The following MID1 variants were observed in gnomAD, a reference collection of about 807,000 sequenced individuals.
MID1 encodes the protein E3 ubiquitin-protein ligase Midline-1.
A neutral mutation model predicts 40.4 loss-of-function variants in MID1; 7 were observed. The observed-to-expected ratio is 0.17, with a 90% CI of 0.10 to 0.33. MID1 has a LOEUF of 0.33. Ranked by LOEUF, MID1 falls within the 10% of genes least tolerant of loss-of-function variation. The pLI is 1.00. For synonymous variants in MID1, 229 were observed against 221.2 expected, an observed-to-expected ratio of 1.04 and a Z score of -0.31; for missense variants, 367 against 558.5, an observed-to-expected ratio of 0.66 and a Z score of 3.46.
chrX:10,490,433 T>A (rs1259838690), intron 4 of MID1, among the ~76,000 whole-genome samples: 4 of 112,117 alleles, frequency 3.6e-5, no homozygotes, highest in Admixed American at 9.4e-5. Flanking sequence ...GTTGTTTTTT[T>A]AAAATTGTTT....
intron 1 of MID1, among the ~76,000 whole-genome samples, chrX:10,822,254 T>C (rs763340716): frequency 2.9e-4 from 32 of 111,359 alleles, no homozygotes; most frequent in African/African-American, 9.5e-4. Flanking sequence ...GATTTTCTAT[T>C]TAATAAATGG....
intron 1 of MID1, among the ~76,000 whole-genome samples, chrX:10,827,033 T>C (rs1218379156): frequency 2.7e-5 from 3 of 111,667 alleles, no homozygotes; most frequent in Non-Finnish European, 5.6e-5. Flanking sequence ...GACAAAGCAG[T>C]AAATATGGCA....
chrX:10,740,304 G>A (rs1032683060), intron 1 of MID1, among the ~76,000 whole-genome samples: 4 of 112,920 alleles, frequency 3.5e-5, no homozygotes, highest in African/African-American at 9.6e-5. Flanking sequence ...ACATTGCTAT[G>A]AGGTAGGAAT....
intron 4 of MID1, among the ~76,000 whole-genome samples, chrX:10,485,167 CAG>C (rs1930553031): frequency 9.0e-6 from 1 of 111,309 alleles, no homozygotes; most frequent in African/African-American, 3.3e-5. Flanking sequence ...GTTGCTGCAA[CAG>C]AGACCGTATG....
At chrX:10,578,924 T>G (rs1173682759) in intron 1 of MID1, among the ~76,000 whole-genome samples, 1 of 112,682 alleles carries the variant, frequency 8.9e-6, no homozygotes, top group South Asian at 3.7e-4. Flanking sequence ...TCTATATATA[T>G]TCATATAACT....
intron 1 of MID1, among the ~76,000 whole-genome samples, chrX:10,688,296 AT>A (rs1189520338): frequency 8.9e-6 from 1 of 111,863 alleles, no homozygotes; most frequent in Admixed American, 9.5e-5. Flanking sequence ...ATTCAAAAGT[AT>A]TTTTTCCCAT....
chrX:10,685,890 A>ACACACG (rs2147073002), intron 1 of MID1, among the ~76,000 whole-genome samples: 1 of 107,037 alleles, frequency 9.3e-6, no homozygotes, highest in Non-Finnish European at 1.9e-5. Context: ...ACACACACAC[A>ACACACG]CACACACACA....
intron 1 of MID1, among the ~76,000 whole-genome samples, chrX:10,643,973 G>A (rs1262800379): frequency 4.5e-5 from 5 of 110,248 alleles, no homozygotes; most frequent in African/African-American, 9.9e-5. Flanking sequence ...CTTGGACACA[G>A]GGTGGGGAAC....
intron 1 of MID1, among the ~76,000 whole-genome samples, chrX:10,802,280 C>T (rs1172947708): frequency 1.8e-5 from 2 of 112,093 alleles, no homozygotes; most frequent in African/African-American, 6.5e-5. Flanking sequence ...ACAAACTATG[C>T]ATCTGACAAA....
At chrX:10,479,382 G>A (rs1004918319) in intron 5 of MID1, among the ~76,000 whole-genome samples, 3 of 110,617 alleles carry the variant, frequency 2.7e-5, no homozygotes, top group South Asian at 3.9e-4. Flanking sequence ...TTAAACATAC[G>A]ATTAAGTTAT....
intron 1 of MID1, among the ~76,000 whole-genome samples, chrX:10,572,952 G>C (rs1934777535): frequency 8.9e-6 from 1 of 112,063 alleles, no homozygotes; most frequent in Non-Finnish European, 1.9e-5. Context: ...CTTATTAGCT[G>C]TCTGAGTATC....
chrX:10,676,359 C>A (rs1046707965), intron 1 of MID1, among the ~76,000 whole-genome samples: 2 of 112,045 alleles, frequency 1.8e-5, no homozygotes, highest in African/African-American at 6.5e-5. Context: ...TCCTCATACA[C>A]CAGACAGAGA....
chrX:10,770,873 AG>A (rs1156597095), intron 1 of MID1, among the ~76,000 whole-genome samples: 4 of 111,549 alleles, frequency 3.6e-5, no homozygotes, highest in Non-Finnish European at 7.5e-5. Context: ...TGGGAGGCTG[AG>A]GCGGGTGGAT....
intron 1 of MID1, chrX:10,589,900 G>A (rs1935245114): frequency 9.1e-6 from 1 of 109,615 alleles, no homozygotes; most frequent in African/African-American, 3.3e-5. Context: ...CCGAGATAAA[G>A]AAGAAAGGGG....
chrX:10,744,314 GTTA>G (rs1318607924), intron 1 of MID1, among the ~76,000 whole-genome samples: 1 of 112,370 alleles, frequency 8.9e-6, no homozygotes, highest in Non-Finnish European at 1.9e-5. Flanking sequence ...CATGCTTTGT[GTTA>G]TTTTCTACTA....
At chrX:10,678,073 T>C (rs761150036) in intron 1 of MID1, among the ~76,000 whole-genome samples, 5 of 110,997 alleles carry the variant, frequency 4.5e-5, no homozygotes, top group Admixed American at 1.9e-4. Context: ...TGTAACATGA[T>C]AGCAGAATAA....
At chrX:10,728,188 T>G (rs1336957834) in intron 1 of MID1, among the ~76,000 whole-genome samples, 6 of 108,583 alleles carry the variant, frequency 5.5e-5, no homozygotes, top group African/African-American at 2.1e-4. Context: ...CTCATCAACT[T>G]TTCCCCCCCC....
chrX:10,647,857 C>A (rs1358068297), intron 1 of MID1, among the ~76,000 whole-genome samples: 1 of 112,086 alleles, frequency 8.9e-6, no homozygotes, highest in Non-Finnish European at 1.9e-5. Flanking sequence ...AAGAATTTTT[C>A]ATTTCTCATT....
rs547823924 is a variant in MID1, at chrX:10,823,633, C to T, written c.-187+9921G>A. On this transcript the variant is annotated intron_variant, in intron 1 of 10. Coordinates refer to the MID1 transcript ENST00000380785. The stretch of plus-strand genomic sequence containing the variant: ...AGTTGCATGTGTGTGTGTATGTGTG[C>T]GTGTGTATAATACATATATAATATA... Among the ~76,000 whole-genome samples the T allele has an allele frequency of 3.2e-4, 35 of 109,959 alleles. No individual in the cohort carries two copies. The South Asian group carries it at 0.012, about 37-fold the overall frequency.
Sources: allele counts gnomAD v4.1 joint callset (sites outside exome capture counted in the v4.1 genomes callset), GRCh38; gene constraint gnomAD v4.1.1; transcripts MANE v1.5; gene names NCBI Gene and HGNC (gene_info 2026-07-23, HGNC 2026-07-21).